NRDC: variants seen among roughly 807,000 people sequenced by gnomAD.
NRDC encodes nardilysin convertase.
Under a neutral mutation model 147.1 loss-of-function variants are expected in NRDC, and 54 were observed. The observed-to-expected ratio is 0.37, with a 90% CI of 0.29 to 0.46. The LOEUF (loss-of-function observed/expected upper bound fraction) is 0.46. Among genes scored for constraint, NRDC ranks in the 20% least tolerant of loss-of-function variants. NRDC has a pLI of 1.00. For synonymous variants in NRDC, 440 were observed against 482.1 expected, an observed-to-expected ratio of 0.91 and a Z score of 1.14; for missense variants, 1,082 against 1,370.6, an observed-to-expected ratio of 0.79 and a Z score of 3.33.
intron 12 of NRDC, 22 bp from the exon 13 acceptor site, chr1:51,814,631 A>G (rs1571861217): frequency 1.2e-6 from 2 of 1,611,258 alleles, no homozygotes; most frequent in East Asian, 4.5e-5. Context: ...ACATCCAATT[A>G]GTCTTTTGCA....
chr1:51,794,540 G>A lies in NRDC; in HGVS notation c.2707C>T (p.His903Tyr), dbSNP rs1423030530. The change falls in exon 24 of 31, where the codon CAC (histidine) becomes TAC (tyrosine). Residue 903 changes from histidine (H) to tyrosine (Y), a missense_variant. His to Tyr is a moderately conservative substitution (Grantham distance 83). Transcript: ENST00000352171. ...AGAGCTTTCACTTTGCATAGATGGT[G>A]GCCACTGGGCAGCTCTACCACCTGG... is the stretch of plus-strand genomic sequence containing the variant. The part of the protein sequence containing the change: ...QFQVVELPSG[H>Y]HLCKVKALNK... 7 of 1,613,980 alleles carry A rather than the reference G, an allele frequency of 4.3e-6. No individual in the cohort carries two copies. In the African/African-American group the frequency reaches 5.3e-5, roughly 12 times the overall value.
At chr1:51,806,947 T>A in intron 17 of NRDC, 34 bp from the exon 18 acceptor site, 1 of 1,602,372 alleles carries the variant, frequency 6.2e-7, no homozygotes, top group South Asian at 1.1e-5. Context: ...TTCACTCAAG[T>A]ATTTCAGCAG....
chr1:51,803,972 G>A lies in NRDC; in HGVS notation c.2163-8C>T, dbSNP rs934671242. ...ATATCAAAGAGGACCACACTAAGAAGTACAAAATGCAAATGGCATCTTTAA... is the reference window on the plus strand; with the variant it reads ...ATATCAAAGAGGACCACACTAAGAAATACAAAATGCAAATGGCATCTTTAA... On this transcript the variant is annotated splice_polypyrimidine_tract_variant and splice_region_variant and intron_variant, in intron 19 of 30. Coordinates refer to ENST00000352171, the MANE Select transcript of NRDC (RefSeq NM_001101662.2). The A allele has an allele frequency of 1.3e-6, 2 of 1,559,388 alleles. No homozygotes were observed. The highest frequency in any genetic ancestry group is 1.7e-6 in the Non-Finnish European group (2 of 1,151,592).
At chr1:51,794,928 G>C in intron 22 of NRDC, 74 bp from the exon 23 acceptor site, 1 of 1,600,576 alleles carries the variant, frequency 6.2e-7, no homozygotes, top group Non-Finnish European at 8.5e-7. Flanking sequence ...TAATATCAAT[G>C]TTCCAATTGC....
chr1:51,868,011 T>C (rs916673135), intron 1 of NRDC, among the ~76,000 whole-genome samples: 3 of 152,078 alleles, frequency 2.0e-5, no homozygotes, highest in Non-Finnish European at 4.4e-5. Context: ...AGGAGAACAA[T>C]TGCTGGAATA....
chr1:51,843,209 G>C (rs1461940472), intron 1 of NRDC, among the ~76,000 whole-genome samples: 2 of 151,660 alleles, frequency 1.3e-5, no homozygotes, highest in African/African-American at 4.8e-5. Context: ...TTGGCATAAG[G>C]ATTGTTGAAC....
At chr1:51,837,828 T>C (rs1362910981) in intron 2 of NRDC, among the ~76,000 whole-genome samples, 3 of 152,228 alleles carry the variant, frequency 2.0e-5, no homozygotes, top group Non-Finnish European at 4.4e-5. Context: ...ATAAAAAAGA[T>C]GCCTCAGAAA....
intron 3 of NRDC, 112 bp from the exon 4 acceptor site, chr1:51,834,282 C>T (rs943872905): frequency 6.6e-6 from 7 of 1,060,226 alleles, no homozygotes; most frequent in Non-Finnish European, 8.3e-6. Context: ...ACCAACACAT[C>T]AAATGGTTAT....
intron 18 of NRDC, among the ~76,000 whole-genome samples, chr1:51,806,446 C>T (rs72663137): frequency 0.016 from 2,387 of 152,220 alleles, 25 homozygotes; most frequent in Non-Finnish European, 0.023. Context: ...ATTTTCATTT[C>T]CTGGACACTG....
chr1:51,792,455 A>C, intron 24 of NRDC, 31 bp from the exon 25 acceptor site: 1 of 1,610,266 alleles, frequency 6.2e-7, no homozygotes. Context: ...GGCCAACTGA[A>C]TATCCAGTGG....
intron 22 of NRDC, among the ~76,000 whole-genome samples, chr1:51,796,072 T>A (rs1678889502): frequency 6.6e-6 from 1 of 151,980 alleles, no homozygotes; most frequent in East Asian, 1.9e-4. Context: ...TTGGAAGTGG[T>A]GTCTCACTAT....
At chr1:51,809,056 C>T (rs955131147) in intron 17 of NRDC, among the ~76,000 whole-genome samples, 3 of 152,170 alleles carry the variant, frequency 2.0e-5, no homozygotes, top group African/African-American at 7.2e-5. Flanking sequence ...CAAGATAAAG[C>T]ATAAACTTCA....
intron 1 of NRDC, among the ~76,000 whole-genome samples, chr1:51,860,431 T>C (rs1365250615): frequency 2.0e-5 from 3 of 152,244 alleles, no homozygotes. Context: ...TTCACACTCA[T>C]AGCTGCCTCT....
rs569675351 is a variant in NRDC, at chr1:51,833,627, G to C, written c.866+390C>G. Among the ~76,000 whole-genome samples, 14 of 151,998 alleles carry C rather than the reference G, an allele frequency of 9.2e-5. No individual in the cohort carries two copies. The East Asian group carries it at 2.5e-3, about 27-fold the overall frequency. On this transcript the variant is annotated intron_variant, in intron 4 of 30. Transcript: ENST00000352171. ...TCCAAATAAAGTTTTGTTTGAGACAGGGTCTCAAACAAACTCTGTCACCCA... is the reference window on the plus strand; with the variant it reads ...TCCAAATAAAGTTTTGTTTGAGACACGGTCTCAAACAAACTCTGTCACCCA...
At position 51,823,876 on chromosome 1, in the gene NRDC, A is replaced by C. The variant is rs550020251; in HGVS notation, c.1037-90T>G. On this transcript the variant is annotated intron_variant, in intron 6 of 30. Transcript: ENST00000352171. ...ATCAATGCATATTTTGCTACCATAC[A>C]TGATTAATGAAATAACCCAAGGGAC... 4.7e-5 allele frequency: 39 copies of C among 828,358 alleles called. 1 individual carries two copies. In the Admixed American group the frequency reaches 9.6e-4, roughly 20 times the overall value. 51.3% of individuals were successfully genotyped at this position (828,358 alleles called of 1,614,324 possible). A position where few individuals can be genotyped will look rare whatever the true frequency, so the allele number is the denominator to read the frequency against.
intron 7 of NRDC, among the ~76,000 whole-genome samples, chr1:51,823,097 G>A (rs1680278158): frequency 6.6e-6 from 1 of 152,148 alleles, no homozygotes; most frequent in Non-Finnish European, 1.5e-5. Context: ...AAAAGTGAAT[G>A]TGAGTTACTG....
At chr1:51,841,243 C>A (rs946344081) in intron 1 of NRDC, among the ~76,000 whole-genome samples, 1 of 152,108 alleles carries the variant, frequency 6.6e-6, no homozygotes, top group African/African-American at 2.4e-5. Flanking sequence ...TTCTTATCTG[C>A]AAAACTACTG....
Position 51,878,496 on chromosome 1 carries a change from A to G in NRDC, c.120T>C (p.Ala40=). Residue 40 remains alanine (A), a synonymous_variant, in exon 1 of 31, where the codon GCT becomes GCC. Transcript: ENST00000352171. ...IETRGRCEDS[A]AARPFPILAM... Reference sequence around the variant, plus strand: ...CCAGAATAGGAAAGGGTCTGGCAGCAGCAGAGTCTTCGCACCGACCCCGCG... The same window carrying G: ...CCAGAATAGGAAAGGGTCTGGCAGCGGCAGAGTCTTCGCACCGACCCCGCG... 6.2e-7 allele frequency: 1 copy of G among 1,613,976 alleles called. No homozygotes were observed.
intron 1 of NRDC, among the ~76,000 whole-genome samples, chr1:51,848,944 A>G (rs1003013415): frequency 3.3e-5 from 5 of 152,212 alleles, no homozygotes; most frequent in African/African-American, 9.7e-5. Flanking sequence ...CAATACTACT[A>G]AACAGCCAAC....
Sources: gnomAD v4.1 joint callset for allele counts (sites outside exome capture counted in the v4.1 genomes callset) on GRCh38, gnomAD v4.1.1 for gene constraint, MANE v1.5 for transcripts, NCBI Gene and HGNC (gene_info 2026-07-23, HGNC 2026-07-21) for gene names.